The following FBXW7 variants were observed in gnomAD, a reference collection of about 807,000 sequenced individuals.
The protein encoded by FBXW7 is F-box and WD repeat domain containing 7.
In FBXW7, 11 loss-of-function variants were observed where a neutral mutation model predicts 86.3. The observed-to-expected ratio is 0.13, with a 90% CI of 0.08 to 0.21. The LOEUF (loss-of-function observed/expected upper bound fraction) is 0.21, where lower values mean the gene tolerates loss of function less well. FBXW7 is among the 10% of genes least tolerant of loss of function. The pLI, the probability that FBXW7 is intolerant of heterozygous loss-of-function variation, is 1.00. For missense variants in FBXW7, 488 were observed against 847.4 expected (o/e 0.58, Z 5.27); for synonymous variants, 313 against 297.9 (o/e 1.05, Z -0.52).
chr4:152,505,525 A>T (rs982880429), intron 2 of FBXW7, among the ~76,000 whole-genome samples: 15 of 152,148 alleles, frequency 9.9e-5, no homozygotes, highest in South Asian at 2.1e-4. Context: ...TTTAAAAAAA[A>T]TTTTTTTAAC....
In FBXW7 at chr4:152,464,877, C is replaced by T. The variant is rs187841028; in HGVS notation, c.-119-52348G>A. 5.2e-4 allele frequency among the ~76,000 whole-genome samples: 79 copies of T among 152,198 alleles called. 1 individual carries two copies. Among genetic ancestry groups the T allele is most frequent in the African/African-American group, 1.8e-3 (76 of 41,532 alleles). On this transcript the variant is annotated intron_variant, in intron 2 of 13. Transcript: ENST00000281708. ...TGCAATGATGTGATTACTGCAATAA[C>T]TTTATTGGAAGAAAAAGGGGTCAGT...
intron 4 of FBXW7, among the ~76,000 whole-genome samples, chr4:152,387,077 C>A (rs1014912384): frequency 6.6e-6 from 1 of 152,156 alleles, no homozygotes; most frequent in Non-Finnish European, 1.5e-5. Flanking sequence ...ATAAATTATT[C>A]CTGAATCAGC....
At chr4:152,416,772 G>A (rs1402225397) in intron 2 of FBXW7, among the ~76,000 whole-genome samples, 1 of 152,136 alleles carries the variant, frequency 6.6e-6, no homozygotes, top group Non-Finnish European at 1.5e-5. Context: ...TGGAAAGGAT[G>A]CAAAAGACTA....
chr4:152,403,582 G>T (rs538743146), intron 4 of FBXW7, among the ~76,000 whole-genome samples: 2 of 152,096 alleles, frequency 1.3e-5, no homozygotes, highest in African/African-American at 4.8e-5. Flanking sequence ...CAGGGGAAGT[G>T]GGGGGATGGT....
chr4:152,417,976 AG>A (rs1738598202), intron 2 of FBXW7, among the ~76,000 whole-genome samples: 1 of 152,200 alleles, frequency 6.6e-6, no homozygotes, highest in Non-Finnish European at 1.5e-5. Flanking sequence ...TCTGTGTCTC[AG>A]AAGACCCAAA....
intron 2 of FBXW7, among the ~76,000 whole-genome samples, chr4:152,493,249 C>T (rs1746028449): frequency 6.6e-6 from 1 of 151,992 alleles, no homozygotes; most frequent in Non-Finnish European, 1.5e-5. Flanking sequence ...ACTGCAAACT[C>T]TGCCTCCCAG....
chr4:152,527,853 TTAAAAATTATA>T, intron 2 of FBXW7, among the ~76,000 whole-genome samples: 1 of 133,616 alleles, frequency 7.5e-6, no homozygotes, highest in South Asian at 2.3e-4. Context: ...TGTTAAAAAT[TTAAAAATTATA>T]TACACACACA....
intron 4 of FBXW7, among the ~76,000 whole-genome samples, chr4:152,362,536 C>T (rs770058806): frequency 2.0e-5 from 3 of 152,046 alleles, no homozygotes; most frequent in South Asian, 2.1e-4. Flanking sequence ...TAGGGCCGGG[C>T]GCAGTGGCTC....
chr4:152,333,751 A>T (rs1287880311), intron 7 of FBXW7, among the ~76,000 whole-genome samples: 1 of 152,090 alleles, frequency 6.6e-6, no homozygotes, highest in Non-Finnish European at 1.5e-5. Context: ...ATGACTTTGC[A>T]TATATAAGGA....
At chr4:152,359,375 A>G (rs1380680400) in intron 4 of FBXW7, among the ~76,000 whole-genome samples, 2 of 152,040 alleles carry the variant, frequency 1.3e-5, no homozygotes, top group African/African-American at 4.8e-5. Context: ...CCGAGGCAGG[A>G]GGATCATTTG....
intron 2 of FBXW7, among the ~76,000 whole-genome samples, chr4:152,521,720 AAG>A (rs1221922727): frequency 5.3e-5 from 8 of 152,054 alleles, no homozygotes; most frequent in Non-Finnish European, 2.9e-5. Context: ...CCCAGCAAAG[AAG>A]AGTCAATTCA....
intron 2 of FBXW7, among the ~76,000 whole-genome samples, chr4:152,506,098 A>G: frequency 6.6e-6 from 1 of 151,962 alleles, no homozygotes; most frequent in East Asian, 1.9e-4. Context: ...ACAGTCCTTT[A>G]TTATCAAGTA....
intron 5 of FBXW7, among the ~76,000 whole-genome samples, chr4:152,349,063 T>A (rs961090559): frequency 1.3e-5 from 2 of 152,060 alleles, no homozygotes; most frequent in African/African-American, 4.8e-5. Context: ...GAAAGAAATA[T>A]TTTTTACAAC....
chr4:152,343,240 G>C (rs1470976220), intron 6 of FBXW7, among the ~76,000 whole-genome samples: 1 of 152,008 alleles, frequency 6.6e-6, no homozygotes, highest in Non-Finnish European at 1.5e-5. Context: ...AAAGCTAATG[G>C]CATCTGTGTA....
intron 4 of FBXW7, among the ~76,000 whole-genome samples, chr4:152,401,035 C>CAA (rs1392683652): frequency 6.6e-6 from 1 of 152,286 alleles, no homozygotes; most frequent in East Asian, 1.9e-4. Context: ...AGAACACTGA[C>CAA]AACACTATAT....
chr4:152,485,851 A>G (rs529726600), intron 2 of FBXW7, among the ~76,000 whole-genome samples: 22 of 152,212 alleles, frequency 1.4e-4, no homozygotes, highest in Non-Finnish European at 3.2e-4. Context: ...CGCTGGCTAA[A>G]TTTTAACAAT....
intron 2 of FBXW7, among the ~76,000 whole-genome samples, chr4:152,493,052 A>ATT (rs1285628677): frequency 6.6e-6 from 1 of 151,798 alleles, no homozygotes; most frequent in East Asian, 1.9e-4. Flanking sequence ...AGACTCAAGA[A>ATT]ATTTCTACTT....
intron 4 of FBXW7, among the ~76,000 whole-genome samples, chr4:152,353,967 A>T (rs1361402818): frequency 1.3e-5 from 2 of 152,138 alleles, no homozygotes; most frequent in African/African-American, 4.8e-5. Context: ...AAACAAAACA[A>T]AACAACCATT....
chr4:152,352,855 G>A, intron 4 of FBXW7: 1 of 1,492,448 alleles, frequency 6.7e-7, no homozygotes, highest in East Asian at 2.3e-5. Flanking sequence ...GCAGCAGAGG[G>A]ATCAGATTAC....
Sources: gnomAD v4.1 joint callset for allele counts (sites outside exome capture counted in the v4.1 genomes callset) on GRCh38, gnomAD v4.1.1 for gene constraint, MANE v1.5 for transcripts, NCBI Gene and HGNC (gene_info 2026-07-23, HGNC 2026-07-21) for gene names.